The following SMC5 variants were observed in gnomAD, a reference collection of about 807,000 sequenced individuals.
The protein encoded by SMC5 is structural maintenance of chromosomes 5, also known as structural maintenance of chromosomes protein 5.
In SMC5, 88 loss-of-function variants were observed where a neutral mutation model predicts 148.3. That is an observed-to-expected ratio of 0.59 (90% CI 0.50 to 0.71). The LOEUF is 0.71. SMC5 is among the 30% of genes least tolerant of loss of function. SMC5 has a pLI of 0.00. For synonymous variants in SMC5, 421 were observed against 432.8 expected (o/e 0.97, Z 0.34); for missense variants, 1,142 against 1,298.9 (o/e 0.88, Z 1.86).
At chr9:70,280,737 G>T (rs775114363) in intron 5 of SMC5, 22 bp from the exon 6 acceptor site, 2 of 1,591,558 alleles carry the variant, frequency 1.3e-6, no homozygotes, top group Non-Finnish European at 1.7e-6. Context: ...CAAACTGATT[G>T]TTCAACATAT....
intron 11 of SMC5, among the ~76,000 whole-genome samples, chr9:70,310,413 T>C (rs1374674497): frequency 1.3e-5 from 2 of 152,158 alleles, no homozygotes; most frequent in Non-Finnish European, 2.9e-5. Flanking sequence ...AGATGTCTTT[T>C]TTTTCTGAGG....
intron 17 of SMC5, among the ~76,000 whole-genome samples, chr9:70,340,352 T>C (rs2036486001): frequency 6.6e-6 from 1 of 152,026 alleles, no homozygotes; most frequent in African/African-American, 2.4e-5. Context: ...ATTATTCCCA[T>C]TATTTTATTG....
chr9:70,294,002 A>T (rs930722612), intron 8 of SMC5, among the ~76,000 whole-genome samples: 2 of 152,148 alleles, frequency 1.3e-5, no homozygotes, highest in Non-Finnish European at 1.5e-5. Flanking sequence ...TTTGAGAAAC[A>T]TTTCTCTGGA....
intron 3 of SMC5, among the ~76,000 whole-genome samples, chr9:70,269,080 A>G (rs2034373815): frequency 6.6e-6 from 1 of 152,222 alleles, no homozygotes; most frequent in South Asian, 2.1e-4. Flanking sequence ...ACTATTTGAT[A>G]TGAGATGAGG....
intron 22 of SMC5, among the ~76,000 whole-genome samples, chr9:70,348,364 G>A (rs1392946725): frequency 1.3e-5 from 2 of 151,886 alleles, no homozygotes; most frequent in African/African-American, 4.8e-5. Context: ...GAAATATAGT[G>A]TATATCAGTG....
rs2035683991 is a variant in SMC5 at position 70,312,473 on chromosome 9, A to T, written c.1579-2269A>T. Among the ~76,000 whole-genome samples, 3 of 152,190 alleles carry T rather than the reference A, an allele frequency of 2.0e-5. No individual in the cohort carries two copies. The South Asian group carries it at 6.2e-4, about 31-fold the overall frequency. On this transcript the variant is annotated intron_variant, in intron 11 of 24. Coordinates refer to ENST00000361138, the MANE Select transcript of SMC5 (RefSeq NM_015110.4). ...TTGGGTGGGAACACAGAGCCAAACT[A>T]TATCAAATGACAAGATTGGACACCC...
intron 11 of SMC5, 103 bp from the exon 12 acceptor site, chr9:70,314,639 T>C: frequency 2.1e-6 from 1 of 484,638 alleles, no homozygotes; most frequent in Non-Finnish European, 3.6e-6. Context: ...TGTTCGAGTT[T>C]CTTATCCATC....
intron 15 of SMC5, among the ~76,000 whole-genome samples, chr9:70,321,325 G>A (rs1177594663): frequency 6.6e-6 from 1 of 151,850 alleles, no homozygotes; most frequent in Non-Finnish European, 1.5e-5. Flanking sequence ...AATTATGTCT[G>A]CTTGGCCTTA....
intron 17 of SMC5, among the ~76,000 whole-genome samples, chr9:70,342,373 A>G (rs1430921034): frequency 6.6e-6 from 1 of 152,032 alleles, no homozygotes; most frequent in Non-Finnish European, 1.5e-5. Context: ...CATGTACCCT[A>G]AAACTTAAAA....
chr9:70,270,576 T>G (rs1472767132), intron 3 of SMC5, among the ~76,000 whole-genome samples: 1 of 151,808 alleles, frequency 6.6e-6, no homozygotes, highest in East Asian at 1.9e-4. Context: ...AAAGACACAC[T>G]TGTCACCTAG....
Position 70,282,591 on chromosome 9 carries a change from T to C in SMC5, c.981+8T>C, listed in dbSNP as rs1361492178. 1.1e-5 allele frequency: 17 copies of C among 1,549,216 alleles called. No individual in the cohort carries two copies. The Admixed American group carries it at 3.7e-4, about 33-fold the overall frequency. ...GCTCGAATCAAAGAAAAGGTACTTT[T>C]TGGTTTCAATTTTGGATTATCTGAA... On this transcript the variant is annotated splice_region_variant and intron_variant, in intron 7 of 24. Transcript: ENST00000361138.
At chr9:70,346,954 C>A in intron 19 of SMC5, 112 bp from the exon 20 acceptor site, 1 of 791,814 alleles carries the variant, frequency 1.3e-6, no homozygotes, top group Non-Finnish European at 2.0e-6. Context: ...TTCTTGTGTG[C>A]CAGCATGCTG....
chr9:70,304,166 G>C (rs2035436797), intron 10 of SMC5, among the ~76,000 whole-genome samples: 1 of 152,074 alleles, frequency 6.6e-6, no homozygotes, highest in South Asian at 2.1e-4. Flanking sequence ...ATACCTCACT[G>C]TAACTTCAAA....
chr9:70,259,335 C>G, intron 1 of SMC5, 72 bp downstream of exon 1: 7 of 1,460,702 alleles, frequency 4.8e-6, no homozygotes, highest in Non-Finnish European at 6.4e-6. Context: ...TCCGGCAGCG[C>G]GCGGGCGTGG....
At chr9:70,314,338 CTTCT>C (rs1306089813) in intron 11 of SMC5, among the ~76,000 whole-genome samples, 1 of 152,150 alleles carries the variant, frequency 6.6e-6, no homozygotes, top group African/African-American at 2.4e-5. Context: ...TCCCTTCCAA[CTTCT>C]TTCTTTTGTC....
intron 2 of SMC5, among the ~76,000 whole-genome samples, chr9:70,265,791 C>T (rs914249721): frequency 9.9e-5 from 15 of 152,256 alleles, no homozygotes; most frequent in African/African-American, 2.9e-4. Context: ...TAAACACTGA[C>T]GAAAGTTTTA....
In SMC5 at chr9:70,258,996, G is replaced by T; in HGVS notation, c.-83G>T. The T allele has an allele frequency of 1.4e-6, 2 of 1,439,214 alleles. No homozygotes were observed. Among genetic ancestry groups the T allele is most frequent in the Non-Finnish European group, 1.8e-6 (2 of 1,086,362 alleles). The allele number at this position is 1,439,214 out of a possible 1,614,324, so 89.2% of individuals were successfully genotyped here. A position where few individuals can be genotyped will look rare whatever the true frequency, so the allele number is the denominator to read the frequency against. ...TCGCGGCAGTTCGCGCGGGAGCGGG[G>T]CGCCTGGGTGGATGGGCGCTTGGGC... On this transcript the variant is annotated 5_prime_UTR_variant, in exon 1 of 25. Transcript: ENST00000361138.
chr9:70,307,270 T>A (rs1652065082), intron 11 of SMC5, among the ~76,000 whole-genome samples: 1 of 152,050 alleles, frequency 6.6e-6, no homozygotes, highest in African/African-American at 2.4e-5. Context: ...GTGTGCACTA[T>A]TTTTTCTCTT....
intron 1 of SMC5, among the ~76,000 whole-genome samples, chr9:70,261,335 A>G: frequency 6.6e-6 from 1 of 152,188 alleles, no homozygotes; most frequent in East Asian, 1.9e-4. Flanking sequence ...GCAAGATTGG[A>G]AGCAAAAAGA....
Sources: gnomAD v4.1 joint callset for allele counts (sites outside exome capture counted in the v4.1 genomes callset) on GRCh38, gnomAD v4.1.1 for gene constraint, MANE v1.5 for transcripts, NCBI Gene and HGNC (gene_info 2026-07-23, HGNC 2026-07-21) for gene names.